DNAH8: variants seen among roughly 807,000 people sequenced by gnomAD.
DNAH8 encodes the protein axonemal beta dynein heavy chain 8.
A neutral mutation model predicts 562.1 loss-of-function variants in DNAH8; 382 were observed. The observed-to-expected ratio is 0.68, with a 90% CI of 0.63 to 0.74. The LOEUF is 0.74. DNAH8 is among the 30% of genes least tolerant of loss of function. The pLI is 0.00. For missense variants in DNAH8, 5,203 were observed against 5,620.4 expected (o/e 0.93, Z 2.37); for synonymous variants, 1,881 against 1,919.4 (o/e 0.98, Z 0.52).
chr6:38,868,022 T>G, intron 47 of DNAH8, 40 bp from the exon 48 acceptor site: 1 of 1,588,972 alleles, frequency 6.3e-7, no homozygotes, highest in Non-Finnish European at 8.6e-7. Context: ...TGTTTAGTTT[T>G]TCAATTAAAC....
intron 18 of DNAH8, 143 bp downstream of exon 18, chr6:38,787,095 A>C (rs951133144): frequency 1.9e-5 from 8 of 415,232 alleles, no homozygotes; most frequent in Non-Finnish European, 3.2e-5. Context: ...ATAGAATTAA[A>C]ATACTGACTT....
At position 38,866,849 on chromosome 6, in the gene DNAH8, ACT is replaced by A. The variant is rs1438260449; in HGVS notation, c.6669_6670del (p.Cys2224Ter). On this transcript the variant is annotated frameshift_variant, in exon 47 of 93. Transcript: ENST00000327475. LOFTEE classifies it high-confidence loss of function. Reference protein sequence around the residue: ...LAQKFYVLYKLCEEQLTKQVH... With the variant: ...LAQKFYVLYKXCEEQLTKQVH... ...CTCAAAAATTTTACGTTCTTTACAA[ACT>A]CTGTGAAGAGCAACTTACTAAACAG... 1 of 1,611,264 alleles carries A rather than the reference ACT, an allele frequency of 6.2e-7. No individual in the cohort carries two copies. Among genetic ancestry groups the A allele is most frequent in the Non-Finnish European group, 8.5e-7 (1 of 1,178,102 alleles).
At chr6:38,962,679 A>T (rs1762677187) in intron 82 of DNAH8, among the ~76,000 whole-genome samples, 1 of 152,196 alleles carries the variant, frequency 6.6e-6, no homozygotes, top group Non-Finnish European at 1.5e-5. Context: ...AAAAGAATAT[A>T]TTCAATTAGT....
intron 1 of DNAH8, among the ~76,000 whole-genome samples, chr6:38,718,950 C>T (rs1762541924): frequency 6.6e-6 from 1 of 151,734 alleles, no homozygotes; most frequent in Non-Finnish European, 1.5e-5. Flanking sequence ...CCCTCTGCTT[C>T]TTGTTGACTC....
intron 66 of DNAH8, 53 bp downstream of exon 66, chr6:38,911,639 G>A: frequency 1.7e-6 from 2 of 1,210,524 alleles, no homozygotes; most frequent in Non-Finnish European, 2.4e-6. Context: ...TTATTTGATA[G>A]GGATCTCAAT....
At chr6:38,913,802 G>T (rs1781087489) in intron 66 of DNAH8, 47 bp from the exon 67 acceptor site, 4 of 1,254,686 alleles carry the variant, frequency 3.2e-6, no homozygotes, top group Non-Finnish European at 4.6e-6. Context: ...TTTGATGAAG[G>T]CATATACCTG....
At chr6:38,992,210 C>T (rs1017187155) in intron 88 of DNAH8, among the ~76,000 whole-genome samples, 3 of 152,168 alleles carry the variant, frequency 2.0e-5, no homozygotes, top group South Asian at 2.1e-4. Context: ...TCAGGTGATC[C>T]GCCCACCTCG....
At chr6:38,754,197 C>T (rs1392597203) in intron 9 of DNAH8, among the ~76,000 whole-genome samples, 1 of 152,106 alleles carries the variant, frequency 6.6e-6, no homozygotes, top group Non-Finnish European at 1.5e-5. Flanking sequence ...GAACAGTGCA[C>T]TCAAGGAGCT....
intron 21 of DNAH8, among the ~76,000 whole-genome samples, chr6:38,799,654 T>A (rs1770600908): frequency 6.6e-6 from 1 of 152,218 alleles, no homozygotes; most frequent in Non-Finnish European, 1.5e-5. Context: ...AGTGTACATC[T>A]CAATGCTTTT....
At position 38,857,659 on chromosome 6, in the gene DNAH8, CATG is replaced by C; in HGVS notation, c.5878_5880del (p.Asp1960del). ...AAATACTCTCATTAGTCAGACAACA[CATG>C]ATCTAAGCAAGTTTGATAGAGTGAA... On this transcript the variant is annotated inframe_deletion, in exon 42 of 93. Coordinates refer to ENST00000327475, the MANE Select transcript of DNAH8 (RefSeq NM_001206927.2). 1 of 1,613,594 alleles carries C rather than the reference CATG, an allele frequency of 6.2e-7. No homozygotes were observed. Among genetic ancestry groups the C allele is most frequent in the Non-Finnish European group, 8.5e-7 (1 of 1,179,594 alleles).
chr6:38,766,649 T>A (rs115974875), intron 11 of DNAH8, among the ~76,000 whole-genome samples: 3,126 of 152,136 alleles, frequency 0.021, 125 homozygotes, highest in African/African-American at 0.071. Context: ...ATGTATTGTA[T>A]ACTTGACATT....
At chr6:38,849,104 T>TA (rs1308492912) in intron 37 of DNAH8, among the ~76,000 whole-genome samples, 7 of 152,152 alleles carry the variant, frequency 4.6e-5, no homozygotes, top group Non-Finnish European at 5.9e-5. Context: ...AAAAGTTTTT[T>TA]AGGAAGTGCT....
In DNAH8 at chr6:38,809,155, T is replaced by C. The variant is rs189328822; in HGVS notation, c.3257+1439T>C. ...TGTTTTTCTATCGAATTGGATTAAT[T>C]CATAAGTATTCTTAGTATATTACAT... On this transcript the variant is annotated intron_variant, in intron 24 of 92. Coordinates refer to ENST00000327475, the MANE Select transcript of DNAH8 (RefSeq NM_001206927.2). Among the ~76,000 whole-genome samples the C allele has an allele frequency of 2.4e-3, 372 of 152,286 alleles. 4 individuals carry two copies. The highest frequency in any genetic ancestry group is 8.6e-3 in the African/African-American group (359 of 41,568).
rs375770956 is a variant in DNAH8, at chr6:38,723,127, C to T, written c.318C>T (p.Ser106=). 47 of 1,612,824 alleles carry T rather than the reference C, an allele frequency of 2.9e-5. No homozygotes were observed. In the African/African-American group the frequency reaches 6.0e-4, roughly 21 times the overall value. ...VISEVLSLPS[S]RRSSRYRRSM... ...CGGAAGTGCTGTCCTTGCCGTCTTC[C>T]CGGAGGTCCTCCAGATACCGCCGGA... The change falls in exon 2 of 93, where the codon TCC becomes TCT. Residue 106 remains serine (S), a synonymous_variant. Coordinates refer to ENST00000327475, the MANE Select transcript of DNAH8 (RefSeq NM_001206927.2).
intron 53 of DNAH8, among the ~76,000 whole-genome samples, chr6:38,878,731 A>T (rs1209332796): frequency 6.6e-6 from 1 of 152,174 alleles, no homozygotes; most frequent in African/African-American, 2.4e-5. Flanking sequence ...AAATGGACAA[A>T]TTTCTTGAAA....
At chr6:38,751,154 G>T (rs762167863) in intron 9 of DNAH8, among the ~76,000 whole-genome samples, 1 of 152,152 alleles carries the variant, frequency 6.6e-6, no homozygotes, top group Non-Finnish European at 1.5e-5. Context: ...CAGGCTAAGT[G>T]GGGGAGGCTG....
At chr6:38,926,790 T>C (rs750774646) in intron 74 of DNAH8, among the ~76,000 whole-genome samples, 7 of 152,170 alleles carry the variant, frequency 4.6e-5, no homozygotes, top group African/African-American at 9.7e-5. Context: ...TTATACTGTT[T>C]CTACTAACCA....
chr6:38,812,373 G>A (rs1405522880), intron 24 of DNAH8, among the ~76,000 whole-genome samples: 1 of 152,154 alleles, frequency 6.6e-6, no homozygotes, highest in East Asian at 1.9e-4. Context: ...ATGCTACATT[G>A]ATTTACAAGT....
chr6:38,965,065 AAAAATAAAATAAAATAAAAT>A (rs140369493), intron 82 of DNAH8, among the ~76,000 whole-genome samples: 71 of 144,614 alleles, frequency 4.9e-4, no homozygotes, highest in South Asian at 1.1e-3. Flanking sequence ...TTCTGTCTCA[AAAAATAAAATAAAATAAAAT>A]AAAATAAAAT....
Sources: allele counts gnomAD v4.1 joint callset (sites outside exome capture counted in the v4.1 genomes callset), GRCh38; gene constraint gnomAD v4.1.1; transcripts MANE v1.5; gene names NCBI Gene and HGNC (gene_info 2026-07-23, HGNC 2026-07-21).